Variants in CNTN4 observed in about 807,000 individuals in gnomAD.
CNTN4 encodes contactin-4.
CNTN4 carries 77 observed loss-of-function variants against 122.5 expected under a neutral mutation model. That is an observed-to-expected ratio of 0.63 (90% CI 0.52 to 0.76). CNTN4 has a LOEUF of 0.76. Ranked by LOEUF, CNTN4 falls within the 30% of genes least tolerant of loss-of-function variation. CNTN4 has a pLI of 0.00. For synonymous variants in CNTN4, 512 were observed against 447.0 expected (o/e 1.15, Z -1.83); for missense variants, 1,256 against 1,259.1 (o/e 1.00, Z 0.04).
intron 2 of CNTN4, among the ~76,000 whole-genome samples, chr3:2,227,764 T>A (rs2039341034): frequency 6.6e-6 from 1 of 152,140 alleles, no homozygotes; most frequent in African/African-American, 2.4e-5. Flanking sequence ...TGCTTTTAAG[T>A]CAGTGGCAGA....
intron 2 of CNTN4, among the ~76,000 whole-genome samples, chr3:2,326,450 C>T (rs1643498207): frequency 1.3e-5 from 2 of 151,270 alleles, no homozygotes; most frequent in Admixed American, 1.3e-4. Context: ...TTGTCAGCCT[C>T]CTTAATTGTG....
intron 2 of CNTN4, among the ~76,000 whole-genome samples, chr3:2,225,748 GCCCT>G (rs930578016): frequency 3.5e-4 from 53 of 152,126 alleles, no homozygotes; most frequent in Non-Finnish European, 1.2e-4. Context: ...CATTTGGGGT[GCCCT>G]TCCTTTGCCA....
chr3:2,384,763 T>TGTGTGC (rs2046177348), intron 3 of CNTN4, among the ~76,000 whole-genome samples: 1 of 113,308 alleles, frequency 8.8e-6, no homozygotes, highest in African/African-American at 3.1e-5. Context: ...AATGTGTGCG[T>TGTGTGC]GTGTGTGTGT....
chr3:2,851,309 T>C (rs1246321645), intron 7 of CNTN4, among the ~76,000 whole-genome samples: 1 of 152,248 alleles, frequency 6.6e-6, no homozygotes, highest in Non-Finnish European at 1.5e-5. Flanking sequence ...ACTATGCCTC[T>C]GATCATATGC....
chr3:2,159,603 C>T (rs140823804), intron 2 of CNTN4, among the ~76,000 whole-genome samples: 1 of 152,148 alleles, frequency 6.6e-6, no homozygotes, highest in Non-Finnish European at 1.5e-5. Context: ...ATCTGTCTGT[C>T]AAGCATTTTG....
In CNTN4 at chr3:2,709,578, A is replaced by G. The variant is rs2086987293; in HGVS notation, c.56-26637A>G. Among the ~76,000 whole-genome samples, 1 of 152,160 alleles carries G rather than the reference A, an allele frequency of 6.6e-6. No homozygotes were observed. The highest frequency in any genetic ancestry group is 6.5e-5 in the Admixed American group (1 of 15,278). On this transcript the variant is annotated intron_variant, in intron 4 of 24. Transcript: ENST00000418658. This position sits in a 1 kb window ranked among gnomAD's most constrained non-coding sequence, Gnocchi z 5.0. ...CCTTTCCAATTCCATAAAATGAACA[A>G]TTTCACATATTGAAAAATGTTTTTA...
chr3:2,866,103 C>T (rs905657972), intron 7 of CNTN4, among the ~76,000 whole-genome samples: 13 of 152,070 alleles, frequency 8.5e-5, no homozygotes, highest in Admixed American at 5.9e-4. Context: ...AAGTATTCAA[C>T]CTCACAAGTG....
chr3:2,197,797 C>T (rs534600510), intron 2 of CNTN4, among the ~76,000 whole-genome samples: 1 of 152,206 alleles, frequency 6.6e-6, no homozygotes, highest in South Asian at 2.1e-4. Flanking sequence ...AGTTGGATCA[C>T]TTGAGGTCAG....
At chr3:2,546,966 A>C (rs551560966) in intron 3 of CNTN4, among the ~76,000 whole-genome samples, 8 of 152,262 alleles carry the variant, frequency 5.3e-5, no homozygotes, top group African/African-American at 1.4e-4. Flanking sequence ...ACTTTTATTG[A>C]GTACTTGAGA....
At chr3:2,636,541 A>G (rs11705837) in intron 4 of CNTN4, among the ~76,000 whole-genome samples, 3,383 of 152,328 alleles carry the variant, frequency 0.022, 39 homozygotes, top group Middle Eastern at 0.044. Context: ...AAAATAAATA[A>G]AAGTCCTCCT....
At chr3:2,344,434 C>A (rs762258639) in intron 3 of CNTN4, among the ~76,000 whole-genome samples, 3 of 152,016 alleles carry the variant, frequency 2.0e-5, no homozygotes, top group South Asian at 2.1e-4. Flanking sequence ...CGTCTGCCAC[C>A]GCACCCAGCT....
At chr3:2,347,662 G>A (rs939031318) in intron 3 of CNTN4, among the ~76,000 whole-genome samples, 5 of 142,960 alleles carry the variant, frequency 3.5e-5, no homozygotes, top group South Asian at 2.3e-4. Flanking sequence ...CACCCACCTC[G>A]GCCTCCCAAA....
At chr3:2,797,108 C>A (rs1485718057) in intron 6 of CNTN4, among the ~76,000 whole-genome samples, 7 of 152,202 alleles carry the variant, frequency 4.6e-5, no homozygotes, top group Non-Finnish European at 8.8e-5. Context: ...TGAAGTGATC[C>A]TCCTGCCTCA....
intron 3 of CNTN4, among the ~76,000 whole-genome samples, chr3:2,390,126 T>G (rs1447759972): frequency 6.6e-6 from 1 of 152,110 alleles, no homozygotes; most frequent in Non-Finnish European, 1.5e-5. Context: ...GAAGAAAATT[T>G]CCTTGATTTT....
At chr3:2,362,698 A>G (rs2045208165) in intron 3 of CNTN4, 3 of 348,750 alleles carry the variant, frequency 8.6e-6, no homozygotes, top group Non-Finnish European at 1.7e-5. Context: ...AATGACCTGC[A>G]CATTCACTTA....
intron 3 of CNTN4, among the ~76,000 whole-genome samples, chr3:2,413,439 A>G (rs2151051449): frequency 6.6e-6 from 1 of 152,338 alleles, no homozygotes; most frequent in African/African-American, 2.4e-5. Context: ...AAAGACAGCC[A>G]TCTAATTTGT....
At chr3:2,870,351 T>G (rs530606156) in intron 8 of CNTN4, among the ~76,000 whole-genome samples, 2 of 152,340 alleles carry the variant, frequency 1.3e-5, no homozygotes, top group Non-Finnish European at 1.5e-5. Context: ...CCATGAGTGT[T>G]GCATGGTGAA....
chr3:2,948,538 A>G (rs538293115), intron 13 of CNTN4, among the ~76,000 whole-genome samples: 55 of 152,272 alleles, frequency 3.6e-4, no homozygotes, highest in African/African-American at 1.3e-3. Flanking sequence ...ATAGGTCTAC[A>G]ATCCTGTATC....
intron 13 of CNTN4, among the ~76,000 whole-genome samples, chr3:2,981,890 C>G (rs1219001749): frequency 6.6e-6 from 1 of 151,942 alleles, no homozygotes; most frequent in Admixed American, 6.6e-5. Flanking sequence ...ACTAAAAATA[C>G]AAAATATTAG....
Sources: allele counts gnomAD v4.1 joint callset (sites outside exome capture counted in the v4.1 genomes callset), GRCh38; gene constraint gnomAD v4.1.1; non-coding constraint Gnocchi (gnomAD v3.1); transcripts MANE v1.5; gene names NCBI Gene and HGNC (gene_info 2026-07-23, HGNC 2026-07-21).